Variants in TNS3 observed in about 807,000 individuals in gnomAD.
TNS3 encodes the protein tensin-3.
In TNS3, 45 loss-of-function variants were observed where a neutral mutation model predicts 140.9. That is an observed-to-expected ratio of 0.32 (90% CI 0.25 to 0.41). The LOEUF is 0.41. TNS3 is among the 10% of genes least tolerant of loss of function. TNS3 has a pLI of 1.00. For synonymous variants in TNS3, 815 were observed against 788.4 expected, an observed-to-expected ratio of 1.03 and a Z score of -0.56; for missense variants, 1,716 against 1,906.7, an observed-to-expected ratio of 0.90 and a Z score of 1.86.
At chr7:47,575,764 A>T (rs1800659564) in intron 1 of TNS3, among the ~76,000 whole-genome samples, 1 of 146,140 alleles carries the variant, frequency 6.8e-6, no homozygotes, top group South Asian at 2.3e-4. Flanking sequence ...CAGATCTTGC[A>T]GTAAGCTGAG....
chr7:47,299,967 A>T (rs1786295559), intron 23 of TNS3, among the ~76,000 whole-genome samples: 1 of 152,184 alleles, frequency 6.6e-6, no homozygotes, highest in South Asian at 2.1e-4. Flanking sequence ...AACACCCCAG[A>T]AGTACAACTG....
intron 17 of TNS3, among the ~76,000 whole-genome samples, chr7:47,353,992 A>ACACACAC (rs1789832359): frequency 5.6e-5 from 8 of 143,398 alleles, no homozygotes; most frequent in African/African-American, 2.1e-4. Context: ...CAGAGGACAA[A>ACACACAC]ACACACACAC....
intron 5 of TNS3, among the ~76,000 whole-genome samples, chr7:47,440,206 G>C (rs919901025): frequency 3.3e-5 from 5 of 152,140 alleles, no homozygotes; most frequent in African/African-American, 9.7e-5. Flanking sequence ...GGCTGGTGAG[G>C]TGGCCAGCTA....
chr7:47,427,610 A>T (rs1794725629), intron 9 of TNS3, among the ~76,000 whole-genome samples: 1 of 152,238 alleles, frequency 6.6e-6, no homozygotes, highest in Non-Finnish European at 1.5e-5. Context: ...CAGGGCCAGA[A>T]GGATGGGCAT....
At position 47,413,962 on chromosome 7, in the gene TNS3, G is replaced by GCAT. The variant is rs1793931691; in HGVS notation, c.619_621dup (p.Met207dup). 2 of 1,613,778 alleles carry GCAT rather than the reference G, an allele frequency of 1.2e-6. No homozygotes were observed. The highest frequency in any genetic ancestry group is 2.7e-5 in the African/African-American group (2 of 74,858). On this transcript the variant is annotated inframe_insertion, in exon 12 of 31. Transcript: ENST00000311160. ...TAGATCCCGGAGGTGTACACAGGCT[G>GCAT]CATGGCTTGGTAGAGCTTCAGAAAG...
intron 3 of TNS3, 144 bp downstream of exon 3, chr7:47,506,763 A>T: frequency 2.4e-6 from 1 of 418,610 alleles, no homozygotes; most frequent in Non-Finnish European, 4.0e-6. Flanking sequence ...TTGAGATGAA[A>T]AGTATACACC....
intron 1 of TNS3, among the ~76,000 whole-genome samples, chr7:47,546,622 C>T (rs1230447849): frequency 6.6e-6 from 1 of 150,996 alleles, no homozygotes; most frequent in Admixed American, 6.6e-5. Context: ...TACTCACAAT[C>T]CTCTTATCCT....
intron 24 of TNS3, among the ~76,000 whole-genome samples, chr7:47,295,758 T>C (rs1785979770): frequency 6.6e-6 from 1 of 152,084 alleles, no homozygotes; most frequent in South Asian, 2.1e-4. Context: ...CATCTATGTT[T>C]CCCGGAAACG....
chr7:47,535,931 G>A (rs1257815420), intron 1 of TNS3, among the ~76,000 whole-genome samples: 2 of 152,240 alleles, frequency 1.3e-5, no homozygotes, highest in Non-Finnish European at 2.9e-5. Flanking sequence ...CATAGTAAGA[G>A]GATTTAGGTA....
chr7:47,303,090 T>G lies in TNS3; in HGVS notation c.3317A>C (p.Glu1106Ala), dbSNP rs1562776375. The part of the protein sequence containing the change: ...PPLPEKKRAS[E>A]GDRSLGSVSP... ...GACTGAGCCCAAAGAACGATCCCCC[T>G]CCGAGGCCCGCTTCTTCTCAGGGAG... The change falls in exon 22 of 31, where the codon GAG (glutamate) becomes GCG (alanine). Residue 1106 changes from glutamate to alanine, a missense_variant. By Grantham distance (107) the Glu-to-Ala change is moderately radical (BLOSUM62 -1). This residue lies in a region of TNS3 where 1,163 missense variants were observed against 1,182.1 expected (regional missense o/e 0.98). Coordinates refer to ENST00000311160, the MANE Select transcript of TNS3 (RefSeq NM_022748.12). The G allele has an allele frequency of 4.3e-6, 7 of 1,614,038 alleles. No individual in the cohort carries two copies. Among genetic ancestry groups the G allele is most frequent in the Non-Finnish European group, 5.1e-6 (6 of 1,179,982 alleles).
intron 16 of TNS3, among the ~76,000 whole-genome samples, chr7:47,388,527 G>A (rs1222790818): frequency 4.6e-5 from 7 of 152,208 alleles, no homozygotes; most frequent in Admixed American, 6.5e-5. Context: ...AACAGCAGAG[G>A]AAAGTGAAAA....
At chr7:47,378,880 T>C (rs1410209758) in intron 16 of TNS3, among the ~76,000 whole-genome samples, 1 of 152,236 alleles carries the variant, frequency 6.6e-6, no homozygotes, top group Non-Finnish European at 1.5e-5. Context: ...ACATGAGCCA[T>C]GGCACCGGCG....
chr7:47,350,767 G>C (rs571092217), intron 17 of TNS3, among the ~76,000 whole-genome samples: 1 of 152,302 alleles, frequency 6.6e-6, no homozygotes, highest in East Asian at 1.9e-4. Flanking sequence ...TGCAGCAAAG[G>C]CTGGGGCTTG....
At position 47,318,732 on chromosome 7, in the gene TNS3, T is replaced by G. The variant is rs149338829; in HGVS notation, c.2651-13729A>C. On this transcript the variant is annotated intron_variant, in intron 20 of 30. Transcript: ENST00000311160. The stretch of plus-strand genomic sequence containing the variant: ...CTGGGCTGATTATCATGATGGAGAA[T>G]GGAGGTTACCATAATGTATACACCA... Among the ~76,000 whole-genome samples, 1,079 of 152,238 alleles carry G rather than the reference T, an allele frequency of 7.1e-3. 11 individuals are homozygous for G. Among genetic ancestry groups the G allele is most frequent in the African/African-American group, 0.023 (960 of 41,534 alleles).
intron 3 of TNS3, among the ~76,000 whole-genome samples, chr7:47,498,786 G>A (rs78039029): frequency 0.019 from 2,907 of 152,326 alleles, 32 homozygotes; most frequent in African/African-American, 0.037. Context: ...GTCACCACCA[G>A]TTTCAAAGAC....
At position 47,554,985 on chromosome 7, in the gene TNS3, G is replaced by A. The variant is rs563743018; in HGVS notation, c.-264-25838C>T. Among the ~76,000 whole-genome samples, 24 of 151,728 alleles carry A rather than the reference G, an allele frequency of 1.6e-4. No homozygotes were observed. In the South Asian group the frequency reaches 2.7e-3, roughly 17 times the overall value. On this transcript the variant is annotated intron_variant, in intron 1 of 30. Coordinates refer to ENST00000311160, the MANE Select transcript of TNS3 (RefSeq NM_022748.12). ...AGAGGTTGCAGTGAGCCGAGATTGC[G>A]CCACTGCACTCCAGCCTGGCAACAG...
At chr7:47,422,613 AAAAAAAG>A (rs1223837295) in intron 10 of TNS3, among the ~76,000 whole-genome samples, 5 of 139,414 alleles carry the variant, frequency 3.6e-5, no homozygotes, top group Non-Finnish European at 7.9e-5. Context: ...ACTCTGTTTC[AAAAAAAG>A]AAAAAAGAAA....
chr7:47,478,954 C>G (rs1797308397), intron 4 of TNS3, among the ~76,000 whole-genome samples: 1 of 151,722 alleles, frequency 6.6e-6, no homozygotes, highest in African/African-American at 2.4e-5. Context: ...CACACACACA[C>G]AGAGCAGCAG....
At chr7:47,531,362 A>G (rs1307945142) in intron 1 of TNS3, among the ~76,000 whole-genome samples, 1 of 152,228 alleles carries the variant, frequency 6.6e-6, no homozygotes, top group Non-Finnish European at 1.5e-5. Flanking sequence ...AAAGTGAACC[A>G]AAAACTTCTT....
Sources: gnomAD v4.1 joint callset for allele counts (sites outside exome capture counted in the v4.1 genomes callset) on GRCh38, gnomAD v4.1.1 for gene constraint, gnomAD v4.1.1 regional missense constraint, MANE v1.5 for transcripts, NCBI Gene and HGNC (gene_info 2026-07-23, HGNC 2026-07-21) for gene names.